Variants in RBM26 observed in about 807,000 individuals in gnomAD.
RBM26 encodes RNA binding motif protein 26.
Under a neutral mutation model 123.6 loss-of-function variants are expected in RBM26, and 30 were observed. The observed-to-expected ratio is 0.24, with a 90% CI of 0.18 to 0.33. RBM26 has a LOEUF of 0.33. RBM26 is among the 10% of genes least tolerant of loss of function. The probability of loss-of-function intolerance (pLI) is 1.00; values close to 1 mark genes in which losing one functional copy is unlikely to be tolerated. For synonymous variants in RBM26, 400 were observed against 404.4 expected, an observed-to-expected ratio of 0.99 and a Z score of 0.13; for missense variants, 947 against 1,203.6, an observed-to-expected ratio of 0.79 and a Z score of 3.15.
intron 9 of RBM26, among the ~76,000 whole-genome samples, chr13:79,360,590 CTT>C (rs1388214335): frequency 6.6e-6 from 1 of 151,946 alleles, no homozygotes; most frequent in Admixed American, 6.6e-5. Flanking sequence ...AGATTCAAAA[CTT>C]TACACTAATC....
intron 20 of RBM26, among the ~76,000 whole-genome samples, chr13:79,330,002 C>T (rs1403391382): frequency 1.3e-5 from 2 of 152,124 alleles, no homozygotes; most frequent in African/African-American, 4.8e-5. Flanking sequence ...CTGTGAATAG[C>T]TCCAAAATAA....
chr13:79,319,730 G>A lies in RBM26; in HGVS notation c.*891C>T. ...TTAAGACATTTGTTGAAAATTTATA[G>A]GATCAAACCAAACTCAAGTGGTATA... On this transcript the variant is annotated 3_prime_UTR_variant, in exon 22 of 22. Coordinates refer to ENST00000438737, the MANE Select transcript of RBM26 (RefSeq NM_001366735.2). 2.0e-6 allele frequency: 2 copies of A among 983,280 alleles called. No homozygotes were observed. Among genetic ancestry groups the A allele is most frequent in the Non-Finnish European group, 2.4e-6 (2 of 828,448 alleles). 60.9% of individuals were successfully genotyped at this position (983,280 alleles called of 1,614,324 possible). A position where few individuals can be genotyped will look rare whatever the true frequency, so the allele number is the denominator to read the frequency against.
rs1033958943 is a variant in RBM26 at position 79,319,087 on chromosome 13, T to C, written c.*1534A>G. The C allele has an allele frequency of 2.3e-5, 23 of 984,246 alleles. No homozygotes were observed. In the African/African-American group the frequency reaches 3.3e-4, roughly 14 times the overall value. The allele number at this position is 984,246 out of a possible 1,614,324, so 61.0% of individuals were successfully genotyped here. A position where few individuals can be genotyped will look rare whatever the true frequency, so the allele number is the denominator to read the frequency against. On this transcript the variant is annotated 3_prime_UTR_variant, in exon 22 of 22. Coordinates refer to ENST00000438737, the MANE Select transcript of RBM26 (RefSeq NM_001366735.2). ...CGAATTGCAAGGCAAAGCATTTCTA[T>C]GAAATAGTGTTACCATCAAGAAAAT...
intron 9 of RBM26, among the ~76,000 whole-genome samples, chr13:79,360,088 A>G (rs1043201329): frequency 2.0e-5 from 3 of 152,148 alleles, no homozygotes; most frequent in African/African-American, 7.2e-5. Context: ...ACAGAGAAAG[A>G]CAGGGACCAT....
chr13:79,332,752 T>C (rs1752646), intron 20 of RBM26, among the ~76,000 whole-genome samples: 76,645 of 151,904 alleles, frequency 0.5, 19,738 homozygotes, highest in Middle Eastern at 0.6. Context: ...TTTTTTATTG[T>C]TATTAATTTT....
chr13:79,403,595 T>C (rs1335337103), intron 1 of RBM26, among the ~76,000 whole-genome samples: 2 of 152,222 alleles, frequency 1.3e-5, no homozygotes, highest in East Asian at 3.8e-4. Context: ...GACAGTAGTC[T>C]AAGATTTCCT....
At chr13:79,371,583 A>G (rs1375710450) in intron 4 of RBM26, among the ~76,000 whole-genome samples, 1 of 152,114 alleles carries the variant, frequency 6.6e-6, no homozygotes, top group Non-Finnish European at 1.5e-5. Context: ...ACACCCACAC[A>G]TTAAGATTCT....
chr13:79,360,058 T>C (rs899967586), intron 9 of RBM26, among the ~76,000 whole-genome samples: 6 of 152,064 alleles, frequency 3.9e-5, no homozygotes, highest in African/African-American at 1.4e-4. Flanking sequence ...CCAAGAAGGG[T>C]AAATACAAAA....
At chr13:79,380,758 C>T (rs371446885) in intron 1 of RBM26, among the ~76,000 whole-genome samples, 52 of 152,096 alleles carry the variant, frequency 3.4e-4, no homozygotes, top group African/African-American at 1.2e-3. Context: ...TATCTGTTAA[C>T]CAACCTCTCC....
chr13:79,396,997 T>C (rs960480717), intron 1 of RBM26, among the ~76,000 whole-genome samples: 8 of 152,116 alleles, frequency 5.3e-5, no homozygotes, highest in Non-Finnish European at 8.8e-5. Flanking sequence ...CTGGCCAACA[T>C]GGTGAAACCC....
At position 79,373,337 on chromosome 13, in the gene RBM26, A is replaced by G. The variant is rs1324707078; in HGVS notation, c.328-1407T>C. On this transcript the variant is annotated intron_variant, in intron 3 of 21. Transcript: ENST00000438737. The stretch of plus-strand genomic sequence containing the variant: ...ATAAATATATATAAATATAAAATAT[A>G]TATTATATATAAATAAAATATATAA... Among the ~76,000 whole-genome samples, 12 of 105,888 alleles carry G rather than the reference A, an allele frequency of 1.1e-4. No individual in the cohort carries two copies. The South Asian group carries it at 2.9e-3, about 26-fold the overall frequency. The allele number at this position is 105,888 out of a possible 152,430, so 69.5% of individuals were successfully genotyped here.
At chr13:79,378,058 A>G (rs373430762) in intron 2 of RBM26, among the ~76,000 whole-genome samples, 5 of 152,376 alleles carry the variant, frequency 3.3e-5, no homozygotes, top group African/African-American at 1.2e-4. Flanking sequence ...GAATGGTCGC[A>G]GCCCTCTGGG....
Position 79,319,139 on chromosome 13 carries a change from G to A in RBM26, c.*1482C>T, listed in dbSNP as rs537694047. On this transcript the variant is annotated 3_prime_UTR_variant, in exon 22 of 22. Transcript: ENST00000438737. ...CACACAACTTCAACCCCAATTAGGGGTGTATGGGGAAGAAGAAAAAGAACA... is the reference window on the plus strand; with the variant it reads ...CACACAACTTCAACCCCAATTAGGGATGTATGGGGAAGAAGAAAAAGAACA... 62 of 984,472 alleles carry A rather than the reference G, an allele frequency of 6.3e-5. No individual in the cohort carries two copies. The highest frequency in any genetic ancestry group is 7.5e-5 in the Non-Finnish European group (62 of 829,400). The allele number at this position is 984,472 out of a possible 1,614,324, so 61.0% of individuals were successfully genotyped here.
chr13:79,372,459 A>C (rs1354525681), intron 3 of RBM26, among the ~76,000 whole-genome samples: 1 of 151,844 alleles, frequency 6.6e-6, no homozygotes, highest in Non-Finnish European at 1.5e-5. Context: ...TTCTCTACTA[A>C]GTATAATCAT....
intron 20 of RBM26, among the ~76,000 whole-genome samples, chr13:79,328,699 A>C (rs2068818026): frequency 6.7e-6 from 1 of 149,064 alleles, no homozygotes; most frequent in South Asian, 2.1e-4. Flanking sequence ...AAAAAAAAAA[A>C]AAAAAAAAGA....
At chr13:79,336,960 C>A (rs2070521478) in intron 19 of RBM26, 142 bp downstream of exon 19, 3 of 793,090 alleles carry the variant, frequency 3.8e-6, no homozygotes, top group Non-Finnish European at 5.9e-6. Context: ...TTTAAATTAA[C>A]AAAAAAATTA....
intron 19 of RBM26, among the ~76,000 whole-genome samples, chr13:79,335,894 A>G (rs2070295485): frequency 6.6e-6 from 1 of 152,268 alleles, no homozygotes; most frequent in Admixed American, 6.5e-5. Flanking sequence ...TGGGGTACAC[A>G]GCAGGGAAAA....
chr13:79,311,883 T>C (rs548688532), exon 5 of RBM26: 36 of 152,034 alleles, frequency 2.4e-4, no homozygotes, highest in Non-Finnish European at 4.6e-4. Context: ...TAATAAACAA[T>C]ATGGATTTAA....
intron 11 of RBM26, 76 bp from the exon 12 acceptor site, chr13:79,355,460 T>A: frequency 2.7e-6 from 3 of 1,102,072 alleles, no homozygotes; most frequent in South Asian, 1.4e-5. Flanking sequence ...CCCCAGTAAG[T>A]GAAATACTGG....
Sources: allele counts gnomAD v4.1 joint callset (sites outside exome capture counted in the v4.1 genomes callset), GRCh38; gene constraint gnomAD v4.1.1; transcripts MANE v1.5; gene names NCBI Gene and HGNC (gene_info 2026-07-23, HGNC 2026-07-21).